The following WWOX variants were observed in gnomAD, a reference collection of about 807,000 sequenced individuals.
WWOX encodes WW domain containing oxidoreductase, also known as WW domain-containing oxidoreductase.
A neutral mutation model predicts 46.2 loss-of-function variants in WWOX; 69 were observed. The observed-to-expected ratio is 1.49, with a 90% confidence interval of 1.23 to 1.82. The LOEUF (loss-of-function observed/expected upper bound fraction) is 1.82, where lower values mean the gene tolerates loss of function less well. Ranked by LOEUF, WWOX falls within the 40% of genes most tolerant of loss-of-function variation. The pLI is 0.00. For synonymous variants in WWOX, 359 were observed against 202.6 expected (o/e 1.77, Z -6.56); for missense variants, 919 against 542.6 (o/e 1.69, Z -6.89).
chr16:79,060,596 A>G (rs1162414790), intron 8 of WWOX, among the ~76,000 whole-genome samples: 2 of 152,212 alleles, frequency 1.3e-5, no homozygotes, highest in Non-Finnish European at 2.9e-5. Flanking sequence ...GAATGCAGTG[A>G]CATATGTCTT....
intron 8 of WWOX, among the ~76,000 whole-genome samples, chr16:79,039,667 CT>C (rs1443309407): frequency 1.3e-5 from 2 of 152,154 alleles, no homozygotes; most frequent in African/African-American, 4.8e-5. Flanking sequence ...TCCATTGTTC[CT>C]TGTGCCATCT....
At chr16:78,413,345 T>C (rs2082725597) in intron 6 of WWOX, among the ~76,000 whole-genome samples, 4 of 152,140 alleles carry the variant, frequency 2.6e-5, no homozygotes, top group Admixed American at 1.3e-4. Flanking sequence ...TTCACCTGGG[T>C]GCAGGTGGGC....
chr16:78,775,642 C>A (rs758367369), intron 8 of WWOX, among the ~76,000 whole-genome samples: 1 of 152,184 alleles, frequency 6.6e-6, no homozygotes, highest in Non-Finnish European at 1.5e-5. Flanking sequence ...ATGAAAATGT[C>A]TTTCTTATAG....
At chr16:78,601,563 A>G (rs2045623862) in intron 8 of WWOX, among the ~76,000 whole-genome samples, 1 of 152,204 alleles carries the variant, frequency 6.6e-6, no homozygotes, top group Non-Finnish European at 1.5e-5. Flanking sequence ...TTATATAAGC[A>G]CTTTCCGTTA....
chr16:78,809,413 C>G (rs566300005), intron 8 of WWOX, among the ~76,000 whole-genome samples: 24 of 151,616 alleles, frequency 1.6e-4, no homozygotes, highest in Non-Finnish European at 2.9e-4. Context: ...TTCTGCTTCC[C>G]TTCCCTAGTA....
chr16:78,782,603 C>T (rs1304060588), intron 8 of WWOX, among the ~76,000 whole-genome samples: 1 of 152,068 alleles, frequency 6.6e-6, no homozygotes, highest in Non-Finnish European at 1.5e-5. Flanking sequence ...CTTTATTCTC[C>T]TCCCAAATGC....
intron 5 of WWOX, among the ~76,000 whole-genome samples, chr16:78,216,541 A>G (rs1010465795): frequency 4.1e-3 from 1 of 244 alleles, no homozygotes; most frequent in African/African-American, 0.014. Context: ...GCCTTTTCCC[A>G]TGACGCTAGA....
chr16:78,929,664 G>T lies in WWOX; in HGVS notation c.1057-281944G>T, dbSNP rs762189327. On this transcript the variant is annotated intron_variant, in intron 8 of 8. Transcript: ENST00000566780. ...GGGTTGGGATGGCGACTAAAGACCC[G>T]CGTGGACTGCATGCTGCAGCCAGCT... 4.6e-5 allele frequency among the ~76,000 whole-genome samples: 7 copies of T among 152,116 alleles called. No individual in the cohort carries two copies. The South Asian group carries it at 1.4e-3, about 32-fold the overall frequency.
intron 8 of WWOX, among the ~76,000 whole-genome samples, chr16:79,197,705 T>C (rs1345846114): frequency 3.9e-5 from 6 of 152,158 alleles, no homozygotes; most frequent in African/African-American, 1.4e-4. Context: ...TGCTTGGTAA[T>C]TTATTTATTT....
intron 8 of WWOX, among the ~76,000 whole-genome samples, chr16:79,008,816 A>G (rs1567480111): frequency 6.6e-6 from 1 of 152,190 alleles, no homozygotes; most frequent in Non-Finnish European, 1.5e-5. Flanking sequence ...ACAAACGTGC[A>G]CCTGCAGCCG....
At chr16:79,017,198 A>C (rs1275974436) in intron 8 of WWOX, 1 of 152,198 alleles carries the variant, frequency 6.6e-6, no homozygotes, top group African/African-American at 2.4e-5. Context: ...TGGGAGGCCA[A>C]GGCGGGCGGA....
intron 8 of WWOX, among the ~76,000 whole-genome samples, chr16:78,937,540 C>T (rs1307300752): frequency 7.0e-6 from 1 of 142,762 alleles, no homozygotes; most frequent in Non-Finnish European, 1.5e-5. Flanking sequence ...AGTGATCTGC[C>T]TTGCTTGGCT....
chr16:78,729,572 C>A (rs1293458742), intron 8 of WWOX, among the ~76,000 whole-genome samples: 1 of 151,924 alleles, frequency 6.6e-6, no homozygotes, highest in African/African-American at 2.4e-5. Flanking sequence ...ATGCCTGGAG[C>A]CATCAGGTGC....
intron 8 of WWOX, among the ~76,000 whole-genome samples, chr16:78,498,909 C>A (rs1474314066): frequency 6.6e-6 from 1 of 152,100 alleles, no homozygotes; most frequent in Non-Finnish European, 1.5e-5. Context: ...TCGATTGTCT[C>A]TCCTTTATTG....
intron 8 of WWOX, among the ~76,000 whole-genome samples, chr16:78,709,216 C>T (rs2048387217): frequency 1.3e-5 from 2 of 152,142 alleles, no homozygotes; most frequent in Admixed American, 6.5e-5. Flanking sequence ...TGGAAAGCCC[C>T]CAGCCCTCCT....
intron 8 of WWOX, among the ~76,000 whole-genome samples, chr16:79,057,346 C>T (rs1013151565): frequency 1.3e-5 from 2 of 152,120 alleles, no homozygotes; most frequent in African/African-American, 2.4e-5. Flanking sequence ...TGCAATTGCC[C>T]CCAAATTATC....
chr16:79,045,420 G>C (rs1342909542), intron 8 of WWOX, among the ~76,000 whole-genome samples: 4 of 152,190 alleles, frequency 2.6e-5, no homozygotes, highest in Non-Finnish European at 4.4e-5. Context: ...TGTACATCAT[G>C]ATCTGCGTGG....
At chr16:79,033,014 A>G (rs1051015709) in intron 8 of WWOX, among the ~76,000 whole-genome samples, 2 of 151,556 alleles carry the variant, frequency 1.3e-5, no homozygotes, top group African/African-American at 4.8e-5. Context: ...GTGAGAACAT[A>G]TGGTATTTGC....
chr16:78,484,308 C>A (rs1021139039), intron 8 of WWOX, among the ~76,000 whole-genome samples: 1 of 152,130 alleles, frequency 6.6e-6, no homozygotes, highest in African/African-American at 2.4e-5. Flanking sequence ...AGATTATTTT[C>A]ATCTAAGACC....
Sources: gnomAD v4.1 joint callset for allele counts (sites outside exome capture counted in the v4.1 genomes callset) on GRCh38, gnomAD v4.1.1 for gene constraint, MANE v1.5 for transcripts, NCBI Gene and HGNC (gene_info 2026-07-23, HGNC 2026-07-21) for gene names.